The following SNTG1 variants were observed in gnomAD, a reference collection of about 807,000 sequenced individuals.
SNTG1 encodes gamma-1-syntrophin.
Under a neutral mutation model 74.7 loss-of-function variants are expected in SNTG1, and 39 were observed. That is an observed-to-expected ratio of 0.52 (90% confidence interval 0.40 to 0.68). The LOEUF (loss-of-function observed/expected upper bound fraction) is 0.68. Ranked by LOEUF, SNTG1 falls within the 30% of genes least tolerant of loss-of-function variation. SNTG1 has a pLI of 0.00. For synonymous variants in SNTG1, 254 were observed against 217.1 expected (o/e 1.17, Z -1.49); for missense variants, 685 against 609.5 (o/e 1.12, Z -1.30).
chr8:50,123,042 C>A (rs2081045803), intron 1 of SNTG1, among the ~76,000 whole-genome samples: 1 of 142,512 alleles, frequency 7.0e-6, no homozygotes, highest in African/African-American at 2.5e-5. Context: ...CCGTGGCAGA[C>A]CAGGTCATCA....
intron 4 of SNTG1, among the ~76,000 whole-genome samples, chr8:50,422,177 C>A (rs1011696637): frequency 1.3e-5 from 2 of 152,130 alleles, no homozygotes; most frequent in Admixed American, 6.6e-5. Flanking sequence ...GGCCAGAAGG[C>A]AGCCATTTCA....
chr8:50,323,846 GACTCAAA>G (rs71233484), intron 2 of SNTG1, among the ~76,000 whole-genome samples: 70,052 of 151,428 alleles, frequency 0.46, 19,148 homozygotes, highest in East Asian at 0.83. Flanking sequence ...CCAGGGATTG[GACTCAAA>G]ACTCAAAAAC....
intron 2 of SNTG1, among the ~76,000 whole-genome samples, chr8:50,393,910 G>A (rs140806509): frequency 6.6e-6 from 1 of 152,320 alleles, no homozygotes; most frequent in Non-Finnish European, 1.5e-5. Flanking sequence ...GCGAGAAGAG[G>A]TTGATCTGAT....
At chr8:50,305,610 T>C (rs1481176866) in intron 2 of SNTG1, among the ~76,000 whole-genome samples, 1 of 151,938 alleles carries the variant, frequency 6.6e-6, no homozygotes, top group Non-Finnish European at 1.5e-5. Context: ...ACTTTGTTTT[T>C]GTATTTTTTC....
chr8:50,595,650 A>G (rs920724409), intron 13 of SNTG1, among the ~76,000 whole-genome samples: 3 of 152,030 alleles, frequency 2.0e-5, no homozygotes, highest in Admixed American at 2.0e-4. Flanking sequence ...CAAAATCCTG[A>G]GGGAGCGGGG....
intron 2 of SNTG1, among the ~76,000 whole-genome samples, chr8:50,266,607 G>A (rs937288572): frequency 4.7e-5 from 7 of 149,584 alleles, no homozygotes; most frequent in Non-Finnish European, 8.9e-5. Flanking sequence ...ATTTTGGTGG[G>A]GCATATGGTA....
At chr8:50,039,918 A>T (rs1404463854) in intron 1 of SNTG1, among the ~76,000 whole-genome samples, 1 of 152,124 alleles carries the variant, frequency 6.6e-6, no homozygotes, top group Non-Finnish European at 1.5e-5. Context: ...CTGCTACGGA[A>T]GCTGCACGGA....
At chr8:50,724,143 T>C (rs2095494359) in intron 17 of SNTG1, among the ~76,000 whole-genome samples, 1 of 152,222 alleles carries the variant, frequency 6.6e-6, no homozygotes, top group Non-Finnish European at 1.5e-5. Context: ...TAACATTTGC[T>C]TTGTATTTTA....
intron 1 of SNTG1, among the ~76,000 whole-genome samples, chr8:50,033,227 G>A (rs912160295): frequency 4.0e-5 from 6 of 151,696 alleles, no homozygotes; most frequent in South Asian, 4.2e-4. Context: ...GAGTTCAAGC[G>A]ATTCTCCTGC....
intron 9 of SNTG1, among the ~76,000 whole-genome samples, chr8:50,527,035 T>TC (rs1343503478): frequency 6.6e-6 from 1 of 152,134 alleles, no homozygotes; most frequent in Non-Finnish European, 1.5e-5. Flanking sequence ...TTCCAGCCAT[T>TC]CTATTGAGTG....
chr8:50,759,985 G>A lies in SNTG1; in HGVS notation c.1395+7874G>A, dbSNP rs536405411. On this transcript the variant is annotated intron_variant, in intron 18 of 18. Transcript: ENST00000642720. ...TTTTTTCTATCCATGAGCATGGAAT[G>A]TTTTCCCATTTGTTTGTGTCCTCTC... 5.7e-4 allele frequency among the ~76,000 whole-genome samples: 87 copies of A among 152,056 alleles called. 2 individuals are homozygous for A. The highest frequency in any genetic ancestry group is 5.1e-4 in the Non-Finnish European group (35 of 68,006).
At chr8:50,593,373 G>A (rs1237439969) in intron 13 of SNTG1, among the ~76,000 whole-genome samples, 1 of 151,558 alleles carries the variant, frequency 6.6e-6, no homozygotes, top group African/African-American at 2.4e-5. Context: ...ACCATATGAG[G>A]AAATAAACCA....
chr8:50,667,388 G>A (rs1479991575), intron 15 of SNTG1, among the ~76,000 whole-genome samples: 2 of 151,974 alleles, frequency 1.3e-5, no homozygotes, highest in East Asian at 1.9e-4. Flanking sequence ...AGTTAATAAG[G>A]AACAGAGGTT....
At position 50,487,549 on chromosome 8, in the gene SNTG1, A is replaced by C. The variant is rs558462102; in HGVS notation, c.364-15229A>C. ...TCATGTCTTTGGAGGGACATGGATG[A>C]AATTGGAAATCATCATTCTCAGTAA... On this transcript the variant is annotated intron_variant, in intron 8 of 18. Coordinates refer to ENST00000642720, the MANE Select transcript of SNTG1 (RefSeq NM_018967.5). 6.1e-3 allele frequency among the ~76,000 whole-genome samples: 927 copies of C among 152,314 alleles called. 14 individuals are homozygous for C. The highest frequency in any genetic ancestry group is 0.02 in the Middle Eastern group (6 of 294).
At chr8:50,084,813 T>G (rs964679670) in intron 1 of SNTG1, among the ~76,000 whole-genome samples, 3 of 152,218 alleles carry the variant, frequency 2.0e-5, no homozygotes, top group Non-Finnish European at 4.4e-5. Flanking sequence ...TGTTAGTTAT[T>G]GCAGGAGTTC....
intron 13 of SNTG1, among the ~76,000 whole-genome samples, chr8:50,627,649 A>G (rs10088550): frequency 0.17 from 26,575 of 152,164 alleles, 5,637 homozygotes; most frequent in African/African-American, 0.5. Flanking sequence ...CCCCACCTTC[A>G]GGTTTGATTA....
At chr8:50,321,374 TTGCATGGAACATATTTTTCC>T (rs1191599823) in intron 2 of SNTG1, among the ~76,000 whole-genome samples, 1 of 152,138 alleles carries the variant, frequency 6.6e-6, no homozygotes, top group Non-Finnish European at 1.5e-5. Context: ...TGGTTTTAAT[TTGCATGGAACATATTTTTCC>T]ATCCCTTTAT....
At chr8:50,417,771 A>G (rs2093032844) in intron 4 of SNTG1, among the ~76,000 whole-genome samples, 1 of 152,062 alleles carries the variant, frequency 6.6e-6, no homozygotes, top group Non-Finnish European at 1.5e-5. Context: ...ACAATGCCCC[A>G]CTGCCATTTA....
intron 1 of SNTG1, among the ~76,000 whole-genome samples, chr8:49,927,607 T>C (rs1479405952): frequency 6.6e-6 from 1 of 152,138 alleles, no homozygotes; most frequent in Non-Finnish European, 1.5e-5. Flanking sequence ...TATGACATTC[T>C]GGAAAAGGCA....
Sources: gnomAD v4.1 joint callset for allele counts (sites outside exome capture counted in the v4.1 genomes callset) on GRCh38, gnomAD v4.1.1 for gene constraint, MANE v1.5 for transcripts, NCBI Gene and HGNC (gene_info 2026-07-23, HGNC 2026-07-21) for gene names.